The following GRM5 variants were observed in gnomAD, a reference collection of about 807,000 sequenced individuals.
The protein encoded by GRM5 is glutamate metabotropic receptor 5, also known as metabotropic glutamate receptor 5.
GRM5 carries 19 observed loss-of-function variants against 83.1 expected under a neutral mutation model. The ratio of observed to expected loss-of-function variants is 0.23; its 90% CI spans 0.16 to 0.34. The LOEUF is 0.34. Among genes scored for constraint, GRM5 ranks in the 10% least tolerant of loss-of-function variants. The pLI is 1.00. For missense variants in GRM5, 1,160 were observed against 1,588.3 expected (o/e 0.73, Z 4.58); for synonymous variants, 675 against 633.6 (o/e 1.07, Z -0.98).
chr11:88,670,385 A>G (rs1161197544), intron 3 of GRM5, among the ~76,000 whole-genome samples: 2 of 152,026 alleles, frequency 1.3e-5, no homozygotes, highest in African/African-American at 4.8e-5. Flanking sequence ...AAAATTGTTA[A>G]AAGTATCTAT....
At chr11:88,604,527 A>T (rs1938087725) in intron 5 of GRM5, among the ~76,000 whole-genome samples, 191 bp downstream of exon 5, 1 of 152,200 alleles carries the variant, frequency 6.6e-6, no homozygotes, top group Non-Finnish European at 1.5e-5. Flanking sequence ...GGACATCAGC[A>T]CAAATGCTTT....
At chr11:88,909,467 A>G (rs1370672458) in intron 2 of GRM5, among the ~76,000 whole-genome samples, 1 of 114,074 alleles carries the variant, frequency 8.8e-6, no homozygotes, top group African/African-American at 3.5e-5. Context: ...ATTTTTGTCT[A>G]CTTTTTTTTT....
chr11:88,931,248 T>G lies in GRM5; in HGVS notation c.662-81093A>C, dbSNP rs1937695515. Among the ~76,000 whole-genome samples, 3 of 151,748 alleles carry G rather than the reference T, an allele frequency of 2.0e-5. No homozygotes were observed. The South Asian group carries it at 6.3e-4, about 32-fold the overall frequency. ...TTACAAATAAAACACTTCATCTTAC[T>G]TATTCAACAAATATTTTATGTACTT... On this transcript the variant is annotated intron_variant, in intron 2 of 9. Coordinates refer to ENST00000305447, the MANE Select transcript of GRM5 (RefSeq NM_001143831.3).
At chr11:88,631,720 G>C (rs953253886) in intron 4 of GRM5, among the ~76,000 whole-genome samples, 5 of 152,166 alleles carry the variant, frequency 3.3e-5, no homozygotes, top group African/African-American at 1.2e-4. Context: ...GAGAGACTGG[G>C]AGAGAATGAA....
At chr11:88,768,892 C>T (rs1294148455) in intron 3 of GRM5, among the ~76,000 whole-genome samples, 1 of 152,034 alleles carries the variant, frequency 6.6e-6, no homozygotes, top group Non-Finnish European at 1.5e-5. Context: ...ATGACACCTT[C>T]ACTTTATACA....
chr11:88,979,295 C>T (rs188604449), intron 2 of GRM5, among the ~76,000 whole-genome samples: 32 of 152,126 alleles, frequency 2.1e-4, no homozygotes, highest in Admixed American at 1.6e-3. Context: ...TTCATAACGC[C>T]GGGAGGGTTT....
chr11:89,000,252 C>T (rs7937943), intron 2 of GRM5, among the ~76,000 whole-genome samples: 12,056 of 151,924 alleles, frequency 0.079, 1,504 homozygotes, highest in African/African-American at 0.27. Flanking sequence ...AATTAAAAAA[C>T]GGAACTAGAC....
At chr11:88,983,078 C>T (rs1465887012) in intron 2 of GRM5, among the ~76,000 whole-genome samples, 2 of 141,012 alleles carry the variant, frequency 1.4e-5, no homozygotes, top group African/African-American at 6.4e-5. Context: ...CACACAAACA[C>T]AAAATTTAGC....
At chr11:88,551,496 C>T (rs985481253) in intron 8 of GRM5, among the ~76,000 whole-genome samples, 40 of 152,260 alleles carry the variant, frequency 2.6e-4, no homozygotes, top group South Asian at 2.1e-4. Flanking sequence ...TAAAAGGCTA[C>T]GTGCCCCTTC....
chr11:88,659,132 A>C (rs1939839481), intron 3 of GRM5, among the ~76,000 whole-genome samples: 1 of 152,092 alleles, frequency 6.6e-6, no homozygotes, highest in Non-Finnish European at 1.5e-5. Context: ...TTAATGTAGA[A>C]CCTCCAAACT....
rs202040444 is a variant in GRM5, at chr11:88,525,351, G to C, written c.2684C>G (p.Pro895Arg). The stretch of plus-strand genomic sequence containing the variant: ...CCCACCATTCCCCATACTCCCTTTG[G>C]GGGTGAAACACTCTATTTCCGACTT... ...QHKSEIECFT[P>R]KGSMGNGGRA... is the part of the protein sequence containing the mutation. Residue 895 changes from proline to arginine, a missense_variant, in exon 9 of 10, where the codon CCC (proline) becomes CGC (arginine). Physicochemically the swap from Pro to Arg is moderately radical, Grantham distance 103. This residue lies in a region of GRM5 where 562 missense variants were observed against 532.4 expected (regional missense o/e 1.06). Coordinates refer to ENST00000305447, the MANE Select transcript of GRM5 (RefSeq NM_001143831.3). The C allele has an allele frequency of 1.9e-6, 3 of 1,612,352 alleles. No individual in the cohort carries two copies. Among genetic ancestry groups the C allele is most frequent in the Non-Finnish European group, 2.5e-6 (3 of 1,178,556 alleles).
chr11:89,014,535 G>T (rs953422725), intron 2 of GRM5, among the ~76,000 whole-genome samples: 11 of 152,094 alleles, frequency 7.2e-5, no homozygotes, highest in African/African-American at 2.4e-4. Context: ...GGAAGTGGGG[G>T]CTCTGGGAAG....
At chr11:88,793,116 T>C (rs1049453648) in intron 3 of GRM5, among the ~76,000 whole-genome samples, 2 of 152,138 alleles carry the variant, frequency 1.3e-5, no homozygotes, top group African/African-American at 4.8e-5. Flanking sequence ...TATCTCCAAA[T>C]TGATGATATG....
At chr11:89,063,250 C>A (rs866095145) in intron 1 of GRM5, among the ~76,000 whole-genome samples, 5 of 152,304 alleles carry the variant, frequency 3.3e-5, no homozygotes, top group African/African-American at 1.2e-4. Flanking sequence ...CCTTTTCAAC[C>A]CTTGCAGCTC....
intron 3 of GRM5, among the ~76,000 whole-genome samples, chr11:88,776,533 T>C (rs1942853957): frequency 6.6e-6 from 1 of 152,222 alleles, no homozygotes; most frequent in Admixed American, 6.5e-5. Context: ...CTTCATAGCA[T>C]CGATGGTCTT....
chr11:88,838,518 G>A (rs1944135233), intron 3 of GRM5, among the ~76,000 whole-genome samples: 1 of 152,110 alleles, frequency 6.6e-6, no homozygotes, highest in Non-Finnish European at 1.5e-5. Flanking sequence ...AGAATATTTG[G>A]TCACAGATCA....
chr11:88,632,873 A>G (rs1425168332), intron 4 of GRM5, among the ~76,000 whole-genome samples: 1 of 152,202 alleles, frequency 6.6e-6, no homozygotes, highest in Non-Finnish European at 1.5e-5. Flanking sequence ...AATTTTATCC[A>G]TACTAATAAG....
chr11:88,641,234 T>G (rs1405603411), intron 4 of GRM5, among the ~76,000 whole-genome samples: 1 of 151,970 alleles, frequency 6.6e-6, no homozygotes, highest in East Asian at 1.9e-4. Context: ...CTGTAAGAAC[T>G]CACTCACTGT....
chr11:89,034,334 C>T (rs896392341), intron 2 of GRM5, among the ~76,000 whole-genome samples: 4 of 151,854 alleles, frequency 2.6e-5, no homozygotes, highest in African/African-American at 7.2e-5. Context: ...CTACGGTGCT[C>T]TAAATGATAT....
Sources: gnomAD v4.1 joint callset for allele counts (sites outside exome capture counted in the v4.1 genomes callset) on GRCh38, gnomAD v4.1.1 for gene constraint, gnomAD v4.1.1 regional missense constraint, MANE v1.5 for transcripts, NCBI Gene and HGNC (gene_info 2026-07-23, HGNC 2026-07-21) for gene names.